AK9: variants seen among roughly 807,000 people sequenced by gnomAD.
The protein encoded by AK9 is adenylate kinase domain containing 1.
Under a neutral mutation model 239.6 loss-of-function variants are expected in AK9, and 191 were observed. That is an observed-to-expected ratio of 0.80 (90% CI 0.71 to 0.90). The LOEUF (loss-of-function observed/expected upper bound fraction) is 0.90. Among genes scored for constraint, AK9 ranks in the 40% least tolerant of loss-of-function variants. The pLI, the probability that AK9 is intolerant of heterozygous loss-of-function variation, is 0.00. For synonymous variants in AK9, 689 were observed against 721.0 expected (o/e 0.96, Z 0.71); for missense variants, 1,995 against 2,214.7 (o/e 0.90, Z 1.99).
rs531934289 is a variant in AK9, at chr6:109,534,780, A to C, written c.3351-1310T>G. Reference sequence around the variant, plus strand: ...CACTCCCCACCCCACAACAGGCCCCAGTGTGTGATACTCCCCTTCCTGTGT... The same window carrying C: ...CACTCCCCACCCCACAACAGGCCCCCGTGTGTGATACTCCCCTTCCTGTGT... On this transcript the variant is annotated intron_variant, in intron 27 of 40. Coordinates refer to ENST00000424296, the MANE Select transcript of AK9 (RefSeq NM_001145128.3). Among the ~76,000 whole-genome samples, 167 of 147,840 alleles carry C rather than the reference A, an allele frequency of 1.1e-3. 1 individual carries two copies. In the South Asian group the frequency reaches 0.018, roughly 16 times the overall value.
chr6:109,593,251 ATTTC>A (rs1790532200), intron 17 of AK9, among the ~76,000 whole-genome samples: 1 of 151,946 alleles, frequency 6.6e-6, no homozygotes, highest in African/African-American at 2.4e-5. Context: ...TGTTTTTCTG[ATTTC>A]TTTGTGTAGG....
chr6:109,596,920 T>G (rs1354188483), intron 17 of AK9, among the ~76,000 whole-genome samples: 2 of 152,228 alleles, frequency 1.3e-5, no homozygotes, highest in African/African-American at 4.8e-5. Flanking sequence ...AACCTTTTTT[T>G]GAAATAAAAT....
chr6:109,521,637 A>T lies in AK9; in HGVS notation c.3634-4995T>A, dbSNP rs186617848. Among the ~76,000 whole-genome samples the T allele has an allele frequency of 3.2e-3, 492 of 152,222 alleles. 1 individual carries two copies. Among genetic ancestry groups the T allele is most frequent in the African/African-American group, 0.012 (481 of 41,564 alleles). Reference sequence around the variant, plus strand: ...GCAAACAGCATTTGATTGATTCTGAATATGGAAATCCAATAAACAGCACCT... The same window carrying T: ...GCAAACAGCATTTGATTGATTCTGATTATGGAAATCCAATAAACAGCACCT... On this transcript the variant is annotated intron_variant, in intron 29 of 40. Coordinates refer to ENST00000424296, the MANE Select transcript of AK9 (RefSeq NM_001145128.3).
chr6:109,643,616 C>T (rs1797707640), intron 9 of AK9, among the ~76,000 whole-genome samples: 1 of 152,204 alleles, frequency 6.6e-6, no homozygotes, highest in South Asian at 2.1e-4. Context: ...TACTTTCTGG[C>T]TTAAAACCTT....
chr6:109,592,448 T>TC (rs1790390742), intron 17 of AK9, among the ~76,000 whole-genome samples: 1 of 144,342 alleles, frequency 6.9e-6, no homozygotes, highest in East Asian at 2.0e-4. Context: ...TGGGATTTCT[T>TC]TTTTTTTTTT....
chr6:109,653,664 T>C (rs1258198728), intron 8 of AK9, among the ~76,000 whole-genome samples: 1 of 95,708 alleles, frequency 1.0e-5, no homozygotes, highest in African/African-American at 3.5e-5. Flanking sequence ...ATTTCCTTTC[T>C]TGTTTAGATT....
At chr6:109,601,676 G>T (rs1423067211) in intron 17 of AK9, among the ~76,000 whole-genome samples, 1 of 152,060 alleles carries the variant, frequency 6.6e-6, no homozygotes, top group Non-Finnish European at 1.5e-5. Flanking sequence ...GTTGATAGTG[G>T]GGTGTTAAAG....
intron 1 of AK9, among the ~76,000 whole-genome samples, chr6:109,689,444 A>G (rs1774001747): frequency 6.6e-6 from 1 of 151,960 alleles, no homozygotes; most frequent in Non-Finnish European, 1.5e-5. Flanking sequence ...GCCAGAACCT[A>G]CTCTCCCTGA....
intron 21 of AK9, among the ~76,000 whole-genome samples, chr6:109,565,520 A>G (rs1786360920): frequency 6.6e-6 from 1 of 152,148 alleles, no homozygotes; most frequent in African/African-American, 2.4e-5. Context: ...AAAAGACCAC[A>G]AACTGGCAGT....
chr6:109,622,488 G>A (rs1794994316), intron 12 of AK9, among the ~76,000 whole-genome samples: 1 of 134,410 alleles, frequency 7.4e-6, no homozygotes, highest in African/African-American at 2.7e-5. Flanking sequence ...TATTAATATA[G>A]TGTTAATATT....
chr6:109,575,203 G>T (rs1247465664), intron 20 of AK9, among the ~76,000 whole-genome samples: 1 of 152,158 alleles, frequency 6.6e-6, no homozygotes, highest in Non-Finnish European at 1.5e-5. Flanking sequence ...CCCAGTAGTG[G>T]AATTGCTGGA....
intron 17 of AK9, among the ~76,000 whole-genome samples, chr6:109,600,394 A>G (rs1791760546): frequency 6.6e-6 from 1 of 152,144 alleles, no homozygotes; most frequent in Non-Finnish European, 1.5e-5. Flanking sequence ...TGATTTGCGT[A>G]TATTGAACCA....
chr6:109,604,198 T>C (rs371481905), intron 17 of AK9, among the ~76,000 whole-genome samples: 3 of 152,200 alleles, frequency 2.0e-5, no homozygotes, highest in Admixed American at 6.5e-5. Context: ...CTGTTCCTAT[T>C]TGGCCATCTT....
chr6:109,682,290 G>A (rs1171680319), intron 1 of AK9, among the ~76,000 whole-genome samples: 1 of 152,036 alleles, frequency 6.6e-6, no homozygotes, highest in African/African-American at 2.4e-5. Flanking sequence ...AGCCAGGCGT[G>A]GTGGCGGGTG....
intron 24 of AK9, among the ~76,000 whole-genome samples, chr6:109,560,746 G>A (rs922051878): frequency 6.6e-6 from 1 of 152,058 alleles, no homozygotes; most frequent in Non-Finnish European, 1.5e-5. Flanking sequence ...TGCTTTTAAT[G>A]TCTTTGGTTT....
At position 109,675,618 on chromosome 6, in the gene AK9, A is replaced by G; in HGVS notation, c.117+11T>C. The G allele has an allele frequency of 7.1e-7, 1 of 1,417,320 alleles. No individual in the cohort carries two copies. Among genetic ancestry groups the G allele is most frequent in the Non-Finnish European group, 9.5e-7 (1 of 1,055,736 alleles). 87.8% of individuals were successfully genotyped at this position (1,417,320 alleles called of 1,614,324 possible). The stretch of plus-strand genomic sequence containing the variant: ...AAAAAAAATTATACCAAATAATAAG[A>G]GATAACTTACTGGTTTCCCAAATAC... On this transcript the variant is annotated intron_variant, in intron 2 of 40. Transcript: ENST00000424296.
At chr6:109,508,217 T>C (rs1234928066) in intron 33 of AK9, among the ~76,000 whole-genome samples, 5 of 152,192 alleles carry the variant, frequency 3.3e-5, no homozygotes, top group Admixed American at 2.6e-4. Context: ...AGAGAATGTA[T>C]GAGGGTGCAA....
chr6:109,595,867 G>C (rs35860616), intron 17 of AK9, among the ~76,000 whole-genome samples: 1 of 152,270 alleles, frequency 6.6e-6, no homozygotes, highest in East Asian at 1.9e-4. Flanking sequence ...AGGGGACTAC[G>C]GGAAGGATAG....
intron 17 of AK9, among the ~76,000 whole-genome samples, chr6:109,600,844 A>G (rs1791844223): frequency 6.6e-6 from 1 of 152,148 alleles, no homozygotes; most frequent in African/African-American, 2.4e-5. Flanking sequence ...CATTTCTTCT[A>G]AATTTTCTAG....
Sources: allele counts gnomAD v4.1 joint callset (sites outside exome capture counted in the v4.1 genomes callset), GRCh38; gene constraint gnomAD v4.1.1; transcripts MANE v1.5; gene names NCBI Gene and HGNC (gene_info 2026-07-23, HGNC 2026-07-21).